RBFOX1: variants seen among roughly 807,000 people sequenced by gnomAD.
RBFOX1 encodes the protein RNA binding fox-1 homolog 1.
RBFOX1 carries 8 observed loss-of-function variants against 57.7 expected under a neutral mutation model. The observed-to-expected ratio is 0.14, with a 90% CI of 0.08 to 0.25. The LOEUF is 0.25. Among genes scored for constraint, RBFOX1 ranks in the 10% least tolerant of loss-of-function variants. The pLI is 1.00. For missense variants in RBFOX1, 611 were observed against 548.5 expected, an observed-to-expected ratio of 1.11 and a Z score of -1.14; for synonymous variants, 326 against 222.4, an observed-to-expected ratio of 1.47 and a Z score of -4.15.
At chr16:7,579,390 G>C (rs1302727664) in intron 5 of RBFOX1, among the ~76,000 whole-genome samples, 1 of 152,014 alleles carries the variant, frequency 6.6e-6, no homozygotes, top group Non-Finnish European at 1.5e-5. Flanking sequence ...CCCCCTTCTT[G>C]ATGAGGTTCT....
At chr16:7,617,120 G>C (rs1199478692) in intron 10 of RBFOX1, among the ~76,000 whole-genome samples, 1 of 152,134 alleles carries the variant, frequency 6.6e-6, no homozygotes, top group African/African-American at 2.4e-5. Flanking sequence ...GCCAAATTTA[G>C]TTATGAAAGA....
intron 1 of RBFOX1, among the ~76,000 whole-genome samples, chr16:5,359,871 G>C (rs748703658): frequency 7.2e-5 from 11 of 152,236 alleles, no homozygotes; most frequent in Admixed American, 2.0e-4. Flanking sequence ...TCATAAAATG[G>C]GGATGCTGAA....
chr16:6,487,700 A>AAT (rs1277585706), intron 2 of RBFOX1, among the ~76,000 whole-genome samples: 30 of 16,272 alleles, frequency 1.8e-3, no homozygotes, highest in Admixed American at 2.3e-3. Context: ...AAAAAAAAAA[A>AAT]ATATATATAT....
intron 3 of RBFOX1, among the ~76,000 whole-genome samples, chr16:7,027,885 AAGAAGGGAGAAG>A (rs1003261009): frequency 6.6e-6 from 1 of 151,790 alleles, no homozygotes; most frequent in African/African-American, 2.4e-5. Context: ...GGGAGAAAAA[AAGAAGGGAGAAG>A]AGAAGGGAGG....
rs572029352 is a variant in RBFOX1 at position 7,275,075 on chromosome 16, C to A, written c.27+222977C>A. Among the ~76,000 whole-genome samples, 10 of 152,098 alleles carry A rather than the reference C, an allele frequency of 6.6e-5. No homozygotes were observed. In the East Asian group the frequency reaches 1.5e-3, roughly 24 times the overall value. ...GAGAGGATAGGAAGGCAGTGCTGAG[C>A]GGGCAGGGTTCTGGATCCTTCTTGT... On this transcript the variant is annotated intron_variant, in intron 4 of 15. Coordinates refer to ENST00000550418, the MANE Select transcript of RBFOX1 (RefSeq NM_018723.4).
intron 2 of RBFOX1, among the ~76,000 whole-genome samples, chr16:6,369,685 C>A (rs950605513): frequency 2.0e-5 from 3 of 152,170 alleles, no homozygotes; most frequent in African/African-American, 7.2e-5. Flanking sequence ...AAGTTTTTCA[C>A]TATCACGCAT....
At chr16:6,113,366 G>C (rs915253205) in intron 1 of RBFOX1, among the ~76,000 whole-genome samples, 2 of 152,174 alleles carry the variant, frequency 1.3e-5, no homozygotes, top group Non-Finnish European at 2.9e-5. Flanking sequence ...GCCACCATTA[G>C]GCTATGATAC....
chr16:6,370,299 A>G (rs1338693143), intron 2 of RBFOX1, among the ~76,000 whole-genome samples: 4 of 130,756 alleles, frequency 3.1e-5, no homozygotes, highest in African/African-American at 1.1e-4. Flanking sequence ...CGGAGCTTGC[A>G]GTGAGCCGAG....
chr16:7,505,528 C>G (rs930587197), intron 4 of RBFOX1, among the ~76,000 whole-genome samples: 1 of 152,220 alleles, frequency 6.6e-6, no homozygotes, highest in Non-Finnish European at 1.5e-5. Flanking sequence ...ATATCCAGGT[C>G]TCTGACTTGT....
intron 3 of RBFOX1, among the ~76,000 whole-genome samples, chr16:5,725,778 T>G (rs1236725865): frequency 6.6e-6 from 1 of 151,994 alleles, no homozygotes; most frequent in East Asian, 1.9e-4. Context: ...AGAATGGCAC[T>G]GCTAGCTGCC....
chr16:6,755,863 A>T (rs140989935), intron 3 of RBFOX1, among the ~76,000 whole-genome samples: 26 of 152,228 alleles, frequency 1.7e-4, no homozygotes, highest in Admixed American at 1.7e-3. Flanking sequence ...AAAAGGTGAA[A>T]TTGACTTTTT....
intron 3 of RBFOX1, among the ~76,000 whole-genome samples, chr16:6,866,289 G>A (rs2059897495): frequency 6.6e-6 from 1 of 151,598 alleles, no homozygotes; most frequent in African/African-American, 2.4e-5. Context: ...GGATAGGGTG[G>A]CTGATGGGCT....
chr16:6,501,828 ATTC>A (rs5815316), intron 2 of RBFOX1, among the ~76,000 whole-genome samples: 61,561 of 151,614 alleles, frequency 0.41, 12,688 homozygotes, highest in South Asian at 0.55. Flanking sequence ...CTGGGGGGAA[ATTC>A]TTCTTGGTTT....
intron 4 of RBFOX1, among the ~76,000 whole-genome samples, chr16:7,517,545 C>G (rs908390212): frequency 4.8e-5 from 1 of 20,966 alleles, no homozygotes; most frequent in African/African-American, 1.0e-4. Flanking sequence ...CGCATACACA[C>G]ACACAGACAC....
chr16:5,245,127 C>T (rs1354666168), intron 1 of RBFOX1, among the ~76,000 whole-genome samples: 2 of 152,180 alleles, frequency 1.3e-5, no homozygotes, highest in African/African-American at 4.8e-5. Context: ...GAGTTGGAGG[C>T]TGGGACAGGG....
chr16:6,558,526 C>T (rs557399999), intron 2 of RBFOX1, among the ~76,000 whole-genome samples: 3 of 152,122 alleles, frequency 2.0e-5, no homozygotes, highest in African/African-American at 7.2e-5. Context: ...AATCAGCCTC[C>T]TGATGTAGAA....
intron 3 of RBFOX1, among the ~76,000 whole-genome samples, chr16:6,916,731 C>G (rs964993577): frequency 2.6e-5 from 4 of 152,188 alleles, no homozygotes; most frequent in East Asian, 1.9e-4. Flanking sequence ...CTTGCATAAG[C>G]TCGGATTACT....
chr16:6,180,996 G>T (rs777379388), intron 1 of RBFOX1, among the ~76,000 whole-genome samples: 1 of 152,172 alleles, frequency 6.6e-6, no homozygotes. Context: ...CTACTGATGG[G>T]TTTGTGTGTA....
chr16:5,726,972 G>A (rs2052175584), intron 3 of RBFOX1, among the ~76,000 whole-genome samples: 1 of 152,170 alleles, frequency 6.6e-6, no homozygotes, highest in Non-Finnish European at 1.5e-5. Flanking sequence ...AAACCTCGAT[G>A]TGAAGGCCGG....
Sources: gnomAD v4.1 joint callset for allele counts (sites outside exome capture counted in the v4.1 genomes callset) on GRCh38, gnomAD v4.1.1 for gene constraint, MANE v1.5 for transcripts, NCBI Gene and HGNC (gene_info 2026-07-23, HGNC 2026-07-21) for gene names.